Variants in CAMKMT observed in about 807,000 individuals in gnomAD.
CAMKMT encodes CaM KMT.
In CAMKMT, 53 loss-of-function variants were observed where a neutral mutation model predicts 48.0. That is an observed-to-expected ratio of 1.10 (90% CI 0.89 to 1.39). The LOEUF (loss-of-function observed/expected upper bound fraction) is 1.39, where lower values mean the gene tolerates loss of function less well. Among genes scored for constraint, CAMKMT ranks in the 40% most tolerant of loss-of-function variants. The pLI, the probability that CAMKMT is intolerant of heterozygous loss-of-function variation, is 0.00. For synonymous variants in CAMKMT, 165 were observed against 152.3 expected (o/e 1.08, Z -0.61); for missense variants, 428 against 402.7 (o/e 1.06, Z -0.54).
intron 3 of CAMKMT, among the ~76,000 whole-genome samples, chr2:44,442,243 T>C (rs1666710262): frequency 6.6e-6 from 1 of 152,216 alleles, no homozygotes; most frequent in Non-Finnish European, 1.5e-5. Flanking sequence ...CAAACCCATC[T>C]GTGGCTCTAG....
chr2:44,724,298 A>G (rs916604457), intron 7 of CAMKMT, among the ~76,000 whole-genome samples: 4 of 152,220 alleles, frequency 2.6e-5, no homozygotes, highest in Non-Finnish European at 4.4e-5. Context: ...ATTTTTTAAA[A>G]AGAATATTCT....
intron 3 of CAMKMT, among the ~76,000 whole-genome samples, chr2:44,403,400 C>T (rs1415693493): frequency 1.3e-5 from 2 of 152,272 alleles, no homozygotes; most frequent in East Asian, 3.9e-4. Flanking sequence ...CAGGATGGAG[C>T]AAGGGTAGTT....
intron 3 of CAMKMT, among the ~76,000 whole-genome samples, chr2:44,467,786 A>G (rs1430243685): frequency 6.6e-6 from 1 of 152,186 alleles, no homozygotes; most frequent in Non-Finnish European, 1.5e-5. Context: ...TAGTGGTGGG[A>G]AAACTGGATA....
intron 3 of CAMKMT, among the ~76,000 whole-genome samples, chr2:44,487,455 G>A (rs1293526529): frequency 1.3e-5 from 2 of 152,100 alleles, no homozygotes; most frequent in Admixed American, 1.3e-4. Flanking sequence ...GGTCAGACTT[G>A]AATTTTATAT....
At chr2:44,475,817 C>T (rs1285856840) in intron 3 of CAMKMT, among the ~76,000 whole-genome samples, 2 of 152,186 alleles carry the variant, frequency 1.3e-5, no homozygotes, top group South Asian at 2.1e-4. Context: ...GACCTACGAA[C>T]AGGACCCTTC....
chr2:44,559,193 C>A (rs1248705885), intron 3 of CAMKMT, among the ~76,000 whole-genome samples: 1 of 152,104 alleles, frequency 6.6e-6, no homozygotes, highest in African/African-American at 2.4e-5. Flanking sequence ...AATTAGGACA[C>A]ACTATTTGCA....
intron 3 of CAMKMT, among the ~76,000 whole-genome samples, chr2:44,492,444 C>CT (rs1266299394): frequency 1.3e-5 from 2 of 151,902 alleles, no homozygotes; most frequent in African/African-American, 4.8e-5. Flanking sequence ...CTCAAATACT[C>CT]TTATTTCCAG....
At chr2:44,758,106 C>A (rs548984468) in intron 9 of CAMKMT, among the ~76,000 whole-genome samples, 26 of 152,310 alleles carry the variant, frequency 1.7e-4, no homozygotes, top group African/African-American at 5.8e-4. Flanking sequence ...GGAGAGTACT[C>A]TACATTGGCA....
At chr2:44,510,151 T>C (rs1050411069) in intron 3 of CAMKMT, among the ~76,000 whole-genome samples, 2 of 152,244 alleles carry the variant, frequency 1.3e-5, no homozygotes, top group Admixed American at 1.3e-4. Flanking sequence ...TTAGTTTTTC[T>C]ATTAATATCC....
intron 3 of CAMKMT, among the ~76,000 whole-genome samples, chr2:44,420,926 G>T (rs1457102623): frequency 2.0e-5 from 3 of 150,790 alleles, no homozygotes; most frequent in Non-Finnish European, 4.4e-5. Context: ...TTTCGCTATT[G>T]TTCATCACAG....
At chr2:44,449,964 T>C (rs1395450009) in intron 3 of CAMKMT, among the ~76,000 whole-genome samples, 2 of 152,258 alleles carry the variant, frequency 1.3e-5, no homozygotes, top group Non-Finnish European at 2.9e-5. Flanking sequence ...ATTTTTAAGT[T>C]AAGTAGCGAA....
intron 3 of CAMKMT, among the ~76,000 whole-genome samples, chr2:44,689,266 T>TTATTTATTTATG (rs1676502678): frequency 7.6e-6 from 1 of 131,514 alleles, no homozygotes; most frequent in Non-Finnish European, 1.6e-5. Context: ...GCACTATTTT[T>TTATTTATTTATG]TATTTATTTA....
chr2:44,512,634 T>C (rs1278633704), intron 3 of CAMKMT, among the ~76,000 whole-genome samples: 1 of 152,234 alleles, frequency 6.6e-6, no homozygotes, highest in Non-Finnish European at 1.5e-5. Flanking sequence ...TACAATAAAT[T>C]AAAGCTAGTA....
intron 3 of CAMKMT, among the ~76,000 whole-genome samples, chr2:44,668,312 G>A (rs1232636605): frequency 6.6e-6 from 1 of 152,082 alleles, no homozygotes; most frequent in African/African-American, 2.4e-5. Flanking sequence ...GACCACCCTT[G>A]CTCCTCACTA....
At chr2:44,570,162 T>C (rs1181146481) in intron 3 of CAMKMT, among the ~76,000 whole-genome samples, 1 of 152,224 alleles carries the variant, frequency 6.6e-6, no homozygotes. Flanking sequence ...TCCATTTAAA[T>C]GAATGTCTGA....
chr2:44,682,231 G>A (rs1373525228), intron 3 of CAMKMT, among the ~76,000 whole-genome samples: 2 of 152,110 alleles, frequency 1.3e-5, no homozygotes, highest in African/African-American at 4.8e-5. Context: ...TTCAGTAATC[G>A]TTTATGAAAT....
At chr2:44,514,631 G>A (rs755283760) in intron 3 of CAMKMT, among the ~76,000 whole-genome samples, 2 of 152,166 alleles carry the variant, frequency 1.3e-5, no homozygotes, top group African/African-American at 2.4e-5. Context: ...GATTGTAAAT[G>A]CCCTGAGAGC....
intron 3 of CAMKMT, among the ~76,000 whole-genome samples, chr2:44,422,513 T>C (rs1035989136): frequency 1.3e-5 from 2 of 152,128 alleles, no homozygotes; most frequent in Non-Finnish European, 2.9e-5. Flanking sequence ...ATCAGTCTTG[T>C]TGTATGGATG....
intron 3 of CAMKMT, among the ~76,000 whole-genome samples, chr2:44,483,600 A>T (rs1373732646): frequency 6.6e-6 from 1 of 152,146 alleles, no homozygotes. Context: ...TAATTTGAGT[A>T]TTAAGAAATT....
Sources: gnomAD v4.1 joint callset for allele counts (sites outside exome capture counted in the v4.1 genomes callset) on GRCh38, gnomAD v4.1.1 for gene constraint, MANE v1.5 for transcripts, NCBI Gene and HGNC (gene_info 2026-07-23, HGNC 2026-07-21) for gene names.